The following ACCSL variants were observed in gnomAD, a reference collection of about 807,000 sequenced individuals.
ACCSL encodes the protein 1-aminocyclopropane-1-carboxylate synthase homolog (inactive) like, also known as probable inactive 1-aminocyclopropane-1-carboxylate synthase-like protein 2.
Under a neutral mutation model 61.7 loss-of-function variants are expected in ACCSL, and 55 were observed. The ratio of observed to expected loss-of-function variants is 0.89; its 90% CI spans 0.72 to 1.12. ACCSL has a LOEUF of 1.12. ACCSL is among the 50% of genes most tolerant of loss of function. The pLI is 0.00. For synonymous variants in ACCSL, 258 were observed against 264.3 expected, an observed-to-expected ratio of 0.98 and a Z score of 0.23; for missense variants, 632 against 698.0, an observed-to-expected ratio of 0.91 and a Z score of 1.07.
chr11:44,022,812 TTGTC>T, the ACCSL span, among the ~76,000 whole-genome samples: 1 of 152,158 alleles, frequency 6.6e-6, no homozygotes, highest in Non-Finnish European at 1.5e-5. Flanking sequence ...TGTGATCGCT[TTGTC>T]TGGCTATGAT....
In ACCSL at chr11:44,053,942, G is replaced by A. The variant is rs115735937; in HGVS notation, c.1049+436G>A. 3.9e-3 allele frequency among the ~76,000 whole-genome samples: 598 copies of A among 152,198 alleles called. 7 individuals are homozygous for A. Among genetic ancestry groups the A allele is most frequent in the African/African-American group, 0.014 (563 of 41,512 alleles). ...TAAAACTAACTGAAATTAAAATGAA[G>A]GAAAACGCAATCACATGCTTACCAC... On this transcript the variant is annotated intron_variant, in intron 8 of 13. Transcript: ENST00000378832.
chr11:44,003,378 C>G, the ACCSL span, among the ~76,000 whole-genome samples: 104 of 152,264 alleles, frequency 6.8e-4, 1 homozygote, highest in African/African-American at 2.5e-3. Flanking sequence ...ATAGGCCTGG[C>G]ATGGTGGCTC....
the ACCSL span, among the ~76,000 whole-genome samples, chr11:44,012,181 C>T: frequency 3.3e-5 from 5 of 152,058 alleles, no homozygotes; most frequent in African/African-American, 4.8e-5. Flanking sequence ...ATAGAGGTTC[C>T]CATTTATGCC....
chr11:43,921,677 C>T, the ACCSL span, among the ~76,000 whole-genome samples: 1 of 152,174 alleles, frequency 6.6e-6, no homozygotes, highest in Non-Finnish European at 1.5e-5. Context: ...AATGGAGGGT[C>T]ATGATCTCCC....
At chr11:44,045,009 G>T (rs1172478859), upstream of ACCSL, among the ~76,000 whole-genome samples, 4 of 152,204 alleles carry the variant, frequency 2.6e-5, no homozygotes, top group Admixed American at 6.5e-5. Context: ...TAGGGCTGAG[G>T]AATAGGGGCA....
chr11:43,940,269 C>T, the ACCSL span, among the ~76,000 whole-genome samples: 2 of 152,134 alleles, frequency 1.3e-5, no homozygotes, highest in South Asian at 2.1e-4. Context: ...TGTGAGCCAC[C>T]GTGCCTGGCC....
chr11:44,052,712 C>A lies in ACCSL; in HGVS notation c.823C>A (p.Arg275Ser). ...PFYGGFAFSS[R>S]LYAKVELIPV... ...CTATGGTGGCTTTGCCTTTAGCTCC[C>A]GCCTGTATGCAAAGGTTGAGTTGAT... Residue 275 changes from arginine (R) to serine (S), a missense_variant, in exon 6 of 14, where the codon CGC becomes AGC. Transcript: ENST00000378832. The A allele has an allele frequency of 6.2e-7, 1 of 1,614,076 alleles. No homozygotes were observed. The highest frequency in any genetic ancestry group is 8.5e-7 in the Non-Finnish European group (1 of 1,180,014).
the ACCSL span, among the ~76,000 whole-genome samples, chr11:44,031,439 G>A: frequency 1.3e-5 from 2 of 152,174 alleles, no homozygotes; most frequent in Non-Finnish European, 1.5e-5. Context: ...TTTCCTAGGA[G>A]GAAAAGTGTC....
At chr11:43,926,750 G>T in the ACCSL span, among the ~76,000 whole-genome samples, 2 of 152,158 alleles carry the variant, frequency 1.3e-5, no homozygotes, top group Admixed American at 1.3e-4. Context: ...CTTTACATTG[G>T]TGTGTGTGTG....
At chr11:44,024,689 T>A in the ACCSL span, among the ~76,000 whole-genome samples, 5 of 152,178 alleles carry the variant, frequency 3.3e-5, no homozygotes, top group African/African-American at 1.2e-4. Context: ...GTTCTATAGA[T>A]GTTCATTAGA....
chr11:43,932,666 G>A, the ACCSL span, among the ~76,000 whole-genome samples: 1 of 152,188 alleles, frequency 6.6e-6, no homozygotes, highest in Non-Finnish European at 1.5e-5. Flanking sequence ...CCTTACCAAG[G>A]CTTCGTGAAA....
At chr11:44,032,512 T>C in the ACCSL span, among the ~76,000 whole-genome samples, 1 of 152,200 alleles carries the variant, frequency 6.6e-6, no homozygotes, top group Non-Finnish European at 1.5e-5. Flanking sequence ...TGCCAAGTGC[T>C]CAGCACAGTG....
chr11:43,929,417 C>A, the ACCSL span, among the ~76,000 whole-genome samples: 1 of 151,648 alleles, frequency 6.6e-6, no homozygotes, highest in Admixed American at 6.6e-5. Context: ...ATTTATTTTA[C>A]TTTATTTTGA....
the ACCSL span, among the ~76,000 whole-genome samples, chr11:43,974,542 A>C: frequency 6.6e-6 from 1 of 152,208 alleles, no homozygotes; most frequent in South Asian, 2.1e-4. Context: ...TTGCAGGTGG[A>C]CATACCTTTT....
intron 11 of ACCSL, 85 bp from the exon 12 acceptor site, chr11:44,058,232 G>A (rs1490661683): frequency 1.4e-6 from 2 of 1,455,620 alleles, no homozygotes; most frequent in East Asian, 2.3e-5. Context: ...CTTGCATGAA[G>A]CCCAGGAAGG....
chr11:43,927,383 A>G, the ACCSL span, among the ~76,000 whole-genome samples: 1 of 152,254 alleles, frequency 6.6e-6, no homozygotes, highest in Non-Finnish European at 1.5e-5. Context: ...GACTTCATTC[A>G]GACTTCAATT....
the ACCSL span, among the ~76,000 whole-genome samples, chr11:43,984,155 T>C: frequency 6.6e-6 from 1 of 152,046 alleles, no homozygotes; most frequent in South Asian, 2.1e-4. Context: ...CGCTGTGAGA[T>C]GAGACATAAT....
In ACCSL at chr11:44,048,144, G is replaced by A. The variant is rs750164034; in HGVS notation, c.108G>A (p.Leu36=). 9 of 1,614,184 alleles carry A rather than the reference G, an allele frequency of 5.6e-6. No individual in the cohort carries two copies. Among genetic ancestry groups the A allele is most frequent in the Non-Finnish European group, 7.6e-6 (9 of 1,180,036 alleles). The part of the protein sequence containing the change: ...YTQLLEITLH[L]QQAMTEHFVQ... ...AGCTGTTGGAGATAACGCTGCACTTGCAGCAGGCCATGACGGAGCACTTCG... is the reference window on the plus strand; with the variant it reads ...AGCTGTTGGAGATAACGCTGCACTTACAGCAGGCCATGACGGAGCACTTCG... Residue 36 remains leucine (L), a synonymous_variant, in exon 1 of 14, where the codon TTG becomes TTA. Coordinates refer to ENST00000378832, the MANE Select transcript of ACCSL (RefSeq NM_001031854.2).
the ACCSL span, among the ~76,000 whole-genome samples, chr11:43,987,207 C>G: frequency 1.3e-5 from 2 of 152,232 alleles, no homozygotes; most frequent in African/African-American, 4.8e-5. Context: ...ATTTATTCAA[C>G]AGATACCTAC....
Sources: allele counts gnomAD v4.1 joint callset (sites outside exome capture counted in the v4.1 genomes callset), GRCh38; gene constraint gnomAD v4.1.1; transcripts MANE v1.5; gene names NCBI Gene and HGNC (gene_info 2026-07-23, HGNC 2026-07-21).